Variants in DCUN1D1 observed in about 807,000 individuals in gnomAD.
DCUN1D1 encodes the protein defective in cullin neddylation 1 domain containing 1, also known as DCN1-like protein 1.
Under a neutral mutation model 39.0 loss-of-function variants are expected in DCUN1D1, and 3 were observed. The observed-to-expected ratio is 0.08, with a 90% CI of 0.04 to 0.20. The LOEUF (loss-of-function observed/expected upper bound fraction) is 0.20. Ranked by LOEUF, DCUN1D1 falls within the 10% of genes least tolerant of loss-of-function variation. The probability of loss-of-function intolerance (pLI) is 1.00; values close to 1 mark genes in which losing one functional copy is unlikely to be tolerated. For synonymous variants in DCUN1D1, 82 were observed against 96.3 expected, an observed-to-expected ratio of 0.85 and a Z score of 0.87; for missense variants, 158 against 302.4, an observed-to-expected ratio of 0.52 and a Z score of 3.54.
chr3:182,981,430 G>C (rs1303820573), upstream of DCUN1D1, among the ~76,000 whole-genome samples: 4 of 152,342 alleles, frequency 2.6e-5, no homozygotes, highest in Middle Eastern at 6.8e-3. Flanking sequence ...CTAGGATTCT[G>C]AGCTGAGGAT....
At position 182,942,061 on chromosome 3, in the gene DCUN1D1, T is replaced by C. The variant is rs547744565; in HGVS notation, c.*3033A>G. 1 of 152,252 alleles carries C rather than the reference T, an allele frequency of 6.6e-6. No homozygotes were observed. The highest frequency in any genetic ancestry group is 2.1e-4 in the South Asian group (1 of 4,834). 9.4% of individuals were successfully genotyped at this position (152,252 alleles called of 1,614,324 possible). A position where few individuals can be genotyped will look rare whatever the true frequency, so the allele number is the denominator to read the frequency against. ...AAATAAGAATTCCCCAGTAAAGATA[T>C]TACGTAAAGGATTTCTCATGTTATT... On this transcript the variant is annotated 3_prime_UTR_variant, in exon 7 of 7. Transcript: ENST00000292782.
chr3:182,970,106 T>A (rs1727856769), intron 1 of DCUN1D1, among the ~76,000 whole-genome samples: 2 of 151,980 alleles, frequency 1.3e-5, no homozygotes, highest in African/African-American at 4.8e-5. Flanking sequence ...AAATTTTTTT[T>A]AATTAGCTGG....
intron 1 of DCUN1D1, among the ~76,000 whole-genome samples, chr3:182,973,234 T>C (rs1728040709): frequency 6.6e-6 from 1 of 152,154 alleles, no homozygotes; most frequent in Non-Finnish European, 1.5e-5. Flanking sequence ...GGGCAGTGAA[T>C]ACAGCATGAA....
chr3:182,949,048 C>CA (rs779071128), intron 4 of DCUN1D1, among the ~76,000 whole-genome samples: 2,357 of 117,328 alleles, frequency 0.02, 45 homozygotes, highest in African/African-American at 0.06. Flanking sequence ...AACTCCGTCT[C>CA]AAAAAAAAAA....
intron 1 of DCUN1D1, among the ~76,000 whole-genome samples, chr3:182,968,020 T>A (rs1454516681): frequency 6.6e-6 from 1 of 152,180 alleles, no homozygotes; most frequent in African/African-American, 2.4e-5. Flanking sequence ...GCAGGAAGTG[T>A]TGGAGATTAA....
In DCUN1D1 at chr3:182,959,440, A is replaced by G. The variant is rs73883966; in HGVS notation, c.520+1786T>C. 5.3e-3 allele frequency among the ~76,000 whole-genome samples: 790 copies of G among 149,998 alleles called. 6 individuals carry two copies. Among genetic ancestry groups the G allele is most frequent in the African/African-American group, 0.018 (750 of 40,796 alleles). ...ACTTTTTCCCCCCAATTTAAAAAAT[A>G]AAGTGGAATTAGTGCAGAAGGCCCC... On this transcript the variant is annotated intron_variant, in intron 4 of 6. Transcript: ENST00000292782.
upstream of DCUN1D1, among the ~76,000 whole-genome samples, chr3:182,984,078 A>G (rs776002765): frequency 1.3e-5 from 2 of 152,244 alleles, no homozygotes; most frequent in Admixed American, 6.5e-5. Context: ...TATGTGCTAC[A>G]TAGTCACAGT....
chr3:182,958,037 C>T (rs1318122127), intron 4 of DCUN1D1, among the ~76,000 whole-genome samples: 1 of 151,608 alleles, frequency 6.6e-6, no homozygotes. Context: ...TTGTCACTCA[C>T]TCTCTGCCAA....
chr3:182,947,836 A>C (rs1198849942), intron 4 of DCUN1D1, among the ~76,000 whole-genome samples: 1 of 152,214 alleles, frequency 6.6e-6, no homozygotes, highest in African/African-American at 2.4e-5. Context: ...CAGGGCCTTT[A>C]GGGCAAAAAA....
chr3:182,954,457 G>A (rs928136447), intron 4 of DCUN1D1, among the ~76,000 whole-genome samples: 5 of 152,134 alleles, frequency 3.3e-5, no homozygotes, highest in Non-Finnish European at 2.9e-5. Flanking sequence ...CCAACTCTGG[G>A]AAGAAAGATG....
chr3:182,983,027 G>A (rs1450837537), upstream of DCUN1D1, among the ~76,000 whole-genome samples: 3 of 152,086 alleles, frequency 2.0e-5, no homozygotes, highest in Non-Finnish European at 2.9e-5. Context: ...CTCCATAGTT[G>A]TCTTTCTATA....
intron 4 of DCUN1D1, among the ~76,000 whole-genome samples, chr3:182,957,047 G>A (rs886785917): frequency 6.6e-6 from 1 of 152,190 alleles, no homozygotes; most frequent in Non-Finnish European, 1.5e-5. Flanking sequence ...ACTGAGAGTG[G>A]ATCTTTAATT....
chr3:182,977,459 G>A (rs1728293424), intron 1 of DCUN1D1, among the ~76,000 whole-genome samples: 2 of 150,734 alleles, frequency 1.3e-5, no homozygotes, highest in Admixed American at 1.3e-4. Context: ...TTTTTTTTGA[G>A]ACGGAGTCTC....
In DCUN1D1 at chr3:182,954,640, G is replaced by A. The variant is rs571033421; in HGVS notation, c.520+6586C>T. Among the ~76,000 whole-genome samples, 11 of 152,024 alleles carry A rather than the reference G, an allele frequency of 7.2e-5. No homozygotes were observed. The South Asian group carries it at 1.0e-3, about 14-fold the overall frequency. On this transcript the variant is annotated intron_variant, in intron 4 of 6. Transcript: ENST00000292782. ...AAAAAAGGTAAAAACAATGTGATGA[G>A]GTATATAAAAATACAAATAAAAATC...
intron 4 of DCUN1D1, among the ~76,000 whole-genome samples, chr3:182,960,872 C>T (rs2108645120): frequency 6.6e-6 from 1 of 152,196 alleles, no homozygotes; most frequent in South Asian, 2.1e-4. Flanking sequence ...TCTTATAGTG[C>T]TATTTCTATA....
chr3:182,949,926 T>G (rs1475776422), intron 4 of DCUN1D1, among the ~76,000 whole-genome samples: 1 of 152,180 alleles, frequency 6.6e-6, no homozygotes, highest in African/African-American at 2.4e-5. Flanking sequence ...CAAACATACT[T>G]ACCTTCAAAT....
intron 2 of DCUN1D1, among the ~76,000 whole-genome samples, chr3:182,964,494 AC>A (rs1727563972): frequency 6.6e-6 from 1 of 152,186 alleles, no homozygotes; most frequent in Admixed American, 6.5e-5. Flanking sequence ...ATGCAATTCA[AC>A]CCTAATCTCA....
chr3:182,978,478 T>A (rs1036422048), intron 1 of DCUN1D1, among the ~76,000 whole-genome samples: 1 of 152,138 alleles, frequency 6.6e-6, no homozygotes, highest in Non-Finnish European at 1.5e-5. Context: ...CCAGCTCAAG[T>A]AATCCTCCCA....
intron 4 of DCUN1D1, among the ~76,000 whole-genome samples, chr3:182,953,681 G>A (rs1726870438): frequency 6.6e-6 from 1 of 152,168 alleles, no homozygotes; most frequent in African/African-American, 2.4e-5. Flanking sequence ...ATTAGATTCT[G>A]AAGCAGTATT....
Sources: allele counts gnomAD v4.1 joint callset (sites outside exome capture counted in the v4.1 genomes callset), GRCh38; gene constraint gnomAD v4.1.1; transcripts MANE v1.5; gene names NCBI Gene and HGNC (gene_info 2026-07-23, HGNC 2026-07-21).